Variants in CHST11 observed in about 807,000 individuals in gnomAD.
CHST11 encodes C4S-1.
Under a neutral mutation model 30.4 loss-of-function variants are expected in CHST11, and 9 were observed. The observed-to-expected ratio is 0.30, with a 90% CI of 0.18 to 0.52. The LOEUF is 0.52. CHST11 is among the 20% of genes least tolerant of loss of function. The probability of loss-of-function intolerance (pLI) is 0.97; values close to 1 mark genes in which losing one functional copy is unlikely to be tolerated. For synonymous variants in CHST11, 152 were observed against 187.8 expected (o/e 0.81, Z 1.56); for missense variants, 348 against 460.6 (o/e 0.76, Z 2.24).
At chr12:104,509,544 A>G (rs1007181735) in intron 1 of CHST11, among the ~76,000 whole-genome samples, 1 of 152,240 alleles carries the variant, frequency 6.6e-6, no homozygotes, top group Admixed American at 6.5e-5. Context: ...AGGATTTGGC[A>G]TATAATAGAT....
Position 104,614,902 on chromosome 12 carries a change from C to T in CHST11, c.204+12911C>T, listed in dbSNP as rs79057819. Among the ~76,000 whole-genome samples, 425 of 152,232 alleles carry T rather than the reference C, an allele frequency of 2.8e-3. 4 individuals are homozygous for T. The highest frequency in any genetic ancestry group is 9.7e-3 in the African/African-American group (402 of 41,528). ...TGAAGCTTTGTCCCTCCTGGGCAGG[C>T]GTTCTCCATCCACACCCCTCTTCTT... On this transcript the variant is annotated intron_variant, in intron 2 of 2. Transcript: ENST00000303694.
rs183054671 is a variant in CHST11, at chr12:104,486,012, G to A, written c.118+28483G>A. Among the ~76,000 whole-genome samples the A allele has an allele frequency of 2.3e-3, 346 of 152,318 alleles. 2 individuals carry two copies. Among genetic ancestry groups the A allele is most frequent in the African/African-American group, 7.8e-3 (325 of 41,558 alleles). On this transcript the variant is annotated intron_variant, in intron 1 of 2. Transcript: ENST00000303694. ...TGCGTGTGTGTGTGGGCATGTGTGT[G>A]CATGTGTGCACGTGTGTGCCTGTGT... is the stretch of plus-strand genomic sequence containing the variant.
At chr12:104,654,949 T>G (rs1027666601) in intron 2 of CHST11, among the ~76,000 whole-genome samples, 1 of 152,204 alleles carries the variant, frequency 6.6e-6, no homozygotes, top group African/African-American at 2.4e-5. Context: ...GAAAGAAACT[T>G]GAAGCATCTG....
At chr12:104,715,979 G>A (rs1166103674) in intron 2 of CHST11, among the ~76,000 whole-genome samples, 1 of 152,188 alleles carries the variant, frequency 6.6e-6, no homozygotes, top group African/African-American at 2.4e-5. Context: ...TGAACAGTCA[G>A]TAAAGGCCTG....
intron 2 of CHST11, among the ~76,000 whole-genome samples, chr12:104,640,835 G>A (rs1158741073): frequency 6.6e-6 from 1 of 152,094 alleles, no homozygotes; most frequent in Non-Finnish European, 1.5e-5. Flanking sequence ...GGCAGAAGAG[G>A]GTTGGTCCCC....
chr12:104,475,594 C>T (rs2037548355), intron 1 of CHST11, among the ~76,000 whole-genome samples: 1 of 144,110 alleles, frequency 6.9e-6, no homozygotes, highest in African/African-American at 2.5e-5. Flanking sequence ...AGGTTGGTGG[C>T]CCCACTGGCT....
Position 104,457,218 on chromosome 12 carries a change from A to G in CHST11, c.-194A>G, listed in dbSNP as rs894674598. 9.6e-6 allele frequency: 5 copies of G among 518,232 alleles called. No homozygotes were observed. In the Admixed American group the frequency reaches 1.3e-4, roughly 13 times the overall value. The allele number at this position is 518,232 out of a possible 1,614,324, so 32.1% of individuals were successfully genotyped here. On this transcript the variant is annotated 5_prime_UTR_variant, in exon 1 of 3. Transcript: ENST00000303694. ...CACGCATCTCAGCACTTCCAGACCA[A>G]CTCCGGCACCTTCCACACCCCTGCC...
chr12:104,694,973 G>C (rs185135697), intron 2 of CHST11, among the ~76,000 whole-genome samples: 20 of 152,312 alleles, frequency 1.3e-4, no homozygotes, highest in African/African-American at 4.6e-4. Context: ...ACCCTTTGCT[G>C]GGTAGAAAAC....
intron 1 of CHST11, among the ~76,000 whole-genome samples, chr12:104,578,506 C>A (rs930208075): frequency 4.6e-5 from 7 of 152,096 alleles, no homozygotes; most frequent in Admixed American, 1.3e-4. Flanking sequence ...TTTTCAGAAC[C>A]CCCTGCCTCT....
intron 1 of CHST11, among the ~76,000 whole-genome samples, chr12:104,485,747 C>T (rs1238805923): frequency 4.0e-5 from 6 of 151,698 alleles, no homozygotes; most frequent in African/African-American, 7.3e-5. Context: ...ATAACCACAA[C>T]GCATCTGTAA....
At chr12:104,541,600 T>C (rs890003399) in intron 1 of CHST11, among the ~76,000 whole-genome samples, 1 of 152,208 alleles carries the variant, frequency 6.6e-6, no homozygotes, top group African/African-American at 2.4e-5. Context: ...TTCTTTCAAA[T>C]CCCCCTGTTG....
rs1470298753 is a variant in CHST11, at chr12:104,753,173, T to C, written c.205-3776T>C. On this transcript the variant is annotated intron_variant, in intron 2 of 2. Transcript: ENST00000303694. ...CTGTTTCCTCGTTGACAGAAGGCAA[T>C]GCCGAGACCACCACAGCTTTACAAA... Among the ~76,000 whole-genome samples, 4 of 152,180 alleles carry C rather than the reference T, an allele frequency of 2.6e-5. No individual in the cohort carries two copies. In the East Asian group the frequency reaches 5.8e-4, roughly 22 times the overall value.
intron 1 of CHST11, among the ~76,000 whole-genome samples, chr12:104,573,769 C>T (rs2136026000): frequency 6.6e-6 from 1 of 152,264 alleles, no homozygotes; most frequent in East Asian, 1.9e-4. Flanking sequence ...AGAAGAAAAC[C>T]TAGGCAATAC....
intron 1 of CHST11, among the ~76,000 whole-genome samples, chr12:104,536,734 G>A (rs1223932271): frequency 1.3e-5 from 2 of 152,206 alleles, no homozygotes; most frequent in Non-Finnish European, 2.9e-5. Flanking sequence ...ACAGAGCGAG[G>A]CAGATAGAAG....
chr12:104,723,151 G>A (rs312149), intron 2 of CHST11, among the ~76,000 whole-genome samples: 80,818 of 151,882 alleles, frequency 0.53, 22,380 homozygotes, highest in East Asian at 0.98. Flanking sequence ...CATGATAGCA[G>A]TCAGCAGTAT....
At chr12:104,548,372 T>A (rs1467440569) in intron 1 of CHST11, among the ~76,000 whole-genome samples, 4 of 152,200 alleles carry the variant, frequency 2.6e-5, no homozygotes, top group Non-Finnish European at 5.9e-5. Context: ...ATTCCTATCA[T>A]GGCTGATTTC....
intron 2 of CHST11, among the ~76,000 whole-genome samples, chr12:104,709,353 G>A (rs1189209958): frequency 6.6e-6 from 1 of 152,214 alleles, no homozygotes; most frequent in Admixed American, 6.5e-5. Context: ...CCAGGCATGT[G>A]GCAGGTGGCT....
chr12:104,608,199 A>C (rs552883239), intron 2 of CHST11, among the ~76,000 whole-genome samples: 28 of 152,252 alleles, frequency 1.8e-4, no homozygotes, highest in Non-Finnish European at 3.8e-4. Context: ...ACTCCCTGGT[A>C]CTAAAAGCCT....
chr12:104,572,319 A>G (rs2038636138), intron 1 of CHST11, among the ~76,000 whole-genome samples: 1 of 151,910 alleles, frequency 6.6e-6, no homozygotes, highest in Non-Finnish European at 1.5e-5. Context: ...CTCTGGTAGA[A>G]TTCGGCTGTG....
Sources: allele counts gnomAD v4.1 joint callset (sites outside exome capture counted in the v4.1 genomes callset), GRCh38; gene constraint gnomAD v4.1.1; transcripts MANE v1.5; gene names NCBI Gene and HGNC (gene_info 2026-07-23, HGNC 2026-07-21).